Variants in BRINP1 observed in about 807,000 individuals in gnomAD.
The protein encoded by BRINP1 is BMP/retinoic acid inducible neural specific 1, also known as BMP/retinoic acid-inducible neural-specific protein 1.
In BRINP1, 17 loss-of-function variants were observed where a neutral mutation model predicts 72.9. That is an observed-to-expected ratio of 0.23 (90% CI 0.16 to 0.35). The LOEUF is 0.35. BRINP1 is among the 10% of genes least tolerant of loss of function. The pLI is 1.00. For synonymous variants in BRINP1, 418 were observed against 378.5 expected (o/e 1.10, Z -1.21); for missense variants, 850 against 1,001.6 (o/e 0.85, Z 2.04).
Position 119,166,961 on chromosome 9 carries a change from CCTTTT to C in BRINP1, c.*118_*122del. 4 of 1,070,734 alleles carry C rather than the reference CCTTTT, an allele frequency of 3.7e-6. No homozygotes were observed. The South Asian group carries it at 6.5e-5, about 17-fold the overall frequency. 66.3% of individuals were successfully genotyped at this position (1,070,734 alleles called of 1,614,324 possible). On this transcript the variant is annotated 3_prime_UTR_variant, in exon 8 of 8. Coordinates refer to ENST00000265922, the MANE Select transcript of BRINP1 (RefSeq NM_014618.3). ...ATTTCCAACAAATGAAGATTTTCCT[CCTTTT>C]CTTTGAATATTAATTACATTTTACA... is the stretch of plus-strand genomic sequence containing the variant.
chr9:119,364,013 C>T (rs924960537), intron 1 of BRINP1, among the ~76,000 whole-genome samples: 121 of 129,678 alleles, frequency 9.3e-4, no homozygotes, highest in Admixed American at 2.1e-3. Context: ...TCAGGTCATC[C>T]CTCCCTTTTT....
intron 2 of BRINP1, among the ~76,000 whole-genome samples, chr9:119,269,527 C>A (rs949215421): frequency 1.3e-5 from 2 of 152,180 alleles, no homozygotes; most frequent in East Asian, 1.9e-4. Context: ...TTCCTACCCC[C>A]ACCCCTGTTT....
intron 5 of BRINP1, among the ~76,000 whole-genome samples, chr9:119,224,133 G>T (rs997337375): frequency 2.6e-5 from 4 of 152,042 alleles, no homozygotes; most frequent in Admixed American, 2.6e-4. Flanking sequence ...TACAAAAAGT[G>T]AATATGACAT....
intron 1 of BRINP1, among the ~76,000 whole-genome samples, chr9:119,313,721 G>A (rs537237355): frequency 3.3e-5 from 5 of 152,216 alleles, no homozygotes; most frequent in Admixed American, 2.6e-4. Flanking sequence ...GTGAGCTTAC[G>A]AGCCTGTATC....
chr9:119,219,717 T>G (rs1341167990), intron 5 of BRINP1, among the ~76,000 whole-genome samples: 1 of 149,920 alleles, frequency 6.7e-6, no homozygotes, highest in African/African-American at 2.5e-5. Context: ...AACTAGTTGC[T>G]TGGATGCAAT....
At chr9:119,224,516 G>A (rs1176779158) in intron 5 of BRINP1, among the ~76,000 whole-genome samples, 1 of 152,066 alleles carries the variant, frequency 6.6e-6, no homozygotes, top group East Asian at 1.9e-4. Flanking sequence ...TTAATCCAGT[G>A]TTTTAATATT....
chr9:119,242,979 CTTTTTTTT>C (rs61706928), intron 3 of BRINP1, among the ~76,000 whole-genome samples: 1 of 146,942 alleles, frequency 6.8e-6, no homozygotes. Flanking sequence ...TTTCTTTTTT[CTTTTTTTT>C]TTTTTCATTC....
intron 1 of BRINP1, among the ~76,000 whole-genome samples, chr9:119,364,398 G>A (rs2119046651): frequency 6.6e-6 from 1 of 152,168 alleles, no homozygotes. Context: ...ATGTATTATT[G>A]GCATTACAAA....
At chr9:119,286,613 A>C (rs1016614485) in intron 2 of BRINP1, among the ~76,000 whole-genome samples, 2 of 152,242 alleles carry the variant, frequency 1.3e-5, no homozygotes, top group African/African-American at 4.8e-5. Context: ...AAAAAGATTC[A>C]GCGTTTTCAT....
intron 1 of BRINP1, among the ~76,000 whole-genome samples, chr9:119,315,338 T>A (rs1831114520): frequency 6.6e-6 from 1 of 152,152 alleles, no homozygotes; most frequent in Non-Finnish European, 1.5e-5. Context: ...CACTTTTTTA[T>A]TATTATTGTA....
intron 5 of BRINP1, among the ~76,000 whole-genome samples, chr9:119,224,648 A>AT: frequency 6.6e-6 from 1 of 152,160 alleles, no homozygotes; most frequent in African/African-American, 2.4e-5. Context: ...TCTGCTCCAG[A>AT]TGTCTTCTTC....
chr9:119,211,559 C>T (rs965189130), intron 6 of BRINP1, among the ~76,000 whole-genome samples: 3 of 152,188 alleles, frequency 2.0e-5, no homozygotes, highest in African/African-American at 7.2e-5. Context: ...TGTAGACTGC[C>T]ATTTATGTAT....
chr9:119,307,392 G>A (rs979001984), intron 2 of BRINP1, among the ~76,000 whole-genome samples: 14 of 152,022 alleles, frequency 9.2e-5, no homozygotes, highest in African/African-American at 2.7e-4. Flanking sequence ...AAATTGTACC[G>A]AACTCAACTG....
intron 5 of BRINP1, among the ~76,000 whole-genome samples, chr9:119,226,668 GT>G (rs35802673): frequency 0.8 from 121,401 of 151,482 alleles, 48,784 homozygotes; most frequent in Middle Eastern, 0.91. Context: ...CTATTCTAGG[GT>G]TTTTTTTTGT....
At chr9:119,185,472 C>G (rs1219489518) in intron 7 of BRINP1, among the ~76,000 whole-genome samples, 2 of 152,178 alleles carry the variant, frequency 1.3e-5, no homozygotes, top group Non-Finnish European at 2.9e-5. Context: ...CTAAAATTAT[C>G]ACAGGCTTGT....
At chr9:119,340,274 C>G (rs1831393204) in intron 1 of BRINP1, among the ~76,000 whole-genome samples, 2 of 152,116 alleles carry the variant, frequency 1.3e-5, no homozygotes, top group Non-Finnish European at 2.9e-5. Flanking sequence ...CAGATATTAC[C>G]AGGCACCTGG....
rs554488089 is a variant in BRINP1, at chr9:119,319,390, C to T, written c.-50-5985G>A. 1.2e-4 allele frequency among the ~76,000 whole-genome samples: 19 copies of T among 152,218 alleles called. No individual in the cohort carries two copies. In the South Asian group the frequency reaches 1.9e-3, roughly 15 times the overall value. On this transcript the variant is annotated intron_variant, in intron 1 of 7. Transcript: ENST00000265922. Reference sequence around the variant, plus strand: ...GTTGATTTAGAACATCACAGTAATCCGCAGAGCACCAGAAATGAAAATGAA... The same window carrying T: ...GTTGATTTAGAACATCACAGTAATCTGCAGAGCACCAGAAATGAAAATGAA...
intron 2 of BRINP1, among the ~76,000 whole-genome samples, chr9:119,249,857 AGGGAGGGAGGGAGGG>A (rs1564228574): frequency 8.6e-5 from 4 of 46,498 alleles, no homozygotes; most frequent in African/African-American, 3.5e-4. Context: ...GAAGGAAGGG[AGGGAGGGAGGGAGGG>A]AGGGAAGGGA....
chr9:119,217,649 C>T (rs1321319232), intron 5 of BRINP1, among the ~76,000 whole-genome samples: 3 of 152,152 alleles, frequency 2.0e-5, no homozygotes, highest in South Asian at 2.1e-4. Context: ...ATTTGTGCCT[C>T]ATTCTTTTTC....
Sources: allele counts gnomAD v4.1 joint callset (sites outside exome capture counted in the v4.1 genomes callset), GRCh38; gene constraint gnomAD v4.1.1; transcripts MANE v1.5; gene names NCBI Gene and HGNC (gene_info 2026-07-23, HGNC 2026-07-21).